Variants in DPYD observed in about 807,000 individuals in gnomAD.
DPYD encodes the protein dihydropyrimidine dehydrogenase, also known as dihydropyrimidine dehydrogenase [NADP(+)].
DPYD carries 109 observed loss-of-function variants against 116.2 expected under a neutral mutation model. The observed-to-expected ratio is 0.94, with a 90% confidence interval of 0.80 to 1.10. The LOEUF (loss-of-function observed/expected upper bound fraction) is 1.10, where lower values mean the gene tolerates loss of function less well. Ranked by LOEUF, DPYD falls within the 50% of genes least tolerant of loss-of-function variation. The probability of loss-of-function intolerance (pLI) is 0.00; values close to 1 mark genes in which losing one functional copy is unlikely to be tolerated. For missense variants in DPYD, 1,302 were observed against 1,254.5 expected (o/e 1.04, Z -0.57); for synonymous variants, 440 against 432.0 (o/e 1.02, Z -0.23).
At chr1:97,351,713 T>C (rs933910168) in intron 16 of DPYD, among the ~76,000 whole-genome samples, 1 of 151,954 alleles carries the variant, frequency 6.6e-6, no homozygotes, top group Non-Finnish European at 1.5e-5. Flanking sequence ...AATGGAGAAT[T>C]AGCAAACACG....
At chr1:97,228,140 T>G (rs555768932) in intron 19 of DPYD, among the ~76,000 whole-genome samples, 1 of 150,126 alleles carries the variant, frequency 6.7e-6, no homozygotes, top group African/African-American at 2.5e-5. Flanking sequence ...TAACAGACTT[T>G]AGTTGTTTTT....
At chr1:97,465,876 T>C (rs1677294574) in intron 13 of DPYD, among the ~76,000 whole-genome samples, 1 of 152,138 alleles carries the variant, frequency 6.6e-6, no homozygotes, top group South Asian at 2.1e-4. Flanking sequence ...CTCACCAAAA[T>C]AAACTTCTAA....
At chr1:97,260,569 T>A (rs945838883) in intron 18 of DPYD, among the ~76,000 whole-genome samples, 2 of 152,094 alleles carry the variant, frequency 1.3e-5, no homozygotes, top group African/African-American at 4.8e-5. Context: ...TTTGTGTAAG[T>A]CTTAAAATTA....
At chr1:97,729,826 TATTCA>T (rs1471895710) in intron 4 of DPYD, among the ~76,000 whole-genome samples, 5 of 152,216 alleles carry the variant, frequency 3.3e-5, no homozygotes, top group Non-Finnish European at 7.3e-5. Context: ...TGTGCACATG[TATTCA>T]ATTCATTATT....
At chr1:97,378,244 T>A (rs1156640034) in intron 15 of DPYD, among the ~76,000 whole-genome samples, 1 of 152,186 alleles carries the variant, frequency 6.6e-6, no homozygotes, top group East Asian at 1.9e-4. Flanking sequence ...TTCCATTCTG[T>A]CCTGTTACTG....
chr1:97,618,367 G>C (rs929278128), intron 8 of DPYD, among the ~76,000 whole-genome samples: 1 of 145,428 alleles, frequency 6.9e-6, no homozygotes, highest in Non-Finnish European at 1.5e-5. Flanking sequence ...TTCTGTCAAG[G>C]ATTTTTTTTC....
intron 8 of DPYD, among the ~76,000 whole-genome samples, chr1:97,622,996 C>G (rs995416450): frequency 6.6e-6 from 1 of 152,000 alleles, no homozygotes; most frequent in Non-Finnish European, 1.5e-5. Flanking sequence ...AAGGGCAAAA[C>G]AGATGCAAAG....
intron 19 of DPYD, among the ~76,000 whole-genome samples, chr1:97,210,104 T>C (rs1420105519): frequency 2.0e-5 from 3 of 152,206 alleles, no homozygotes; most frequent in African/African-American, 7.2e-5. Context: ...TTCAAAAGAC[T>C]GATGAGCCAC....
intron 2 of DPYD, chr1:97,856,658 G>C (rs1300108977): frequency 6.6e-6 from 1 of 152,358 alleles, no homozygotes; most frequent in East Asian, 1.9e-4. Flanking sequence ...TGGCTAACCA[G>C]ATCTCTGATG....
intron 11 of DPYD, among the ~76,000 whole-genome samples, chr1:97,557,270 G>A (rs1264342057): frequency 6.7e-6 from 1 of 150,228 alleles, no homozygotes; most frequent in Non-Finnish European, 1.5e-5. Flanking sequence ...TTTGTCAGAT[G>A]AGTAGGTTGC....
At chr1:97,344,610 C>T (rs887743411) in intron 16 of DPYD, among the ~76,000 whole-genome samples, 1 of 151,704 alleles carries the variant, frequency 6.6e-6, no homozygotes, top group African/African-American at 2.4e-5. Flanking sequence ...CACACACACA[C>T]ACACTACATT....
At position 97,275,339 on chromosome 1, in the gene DPYD, A is replaced by C. The variant is rs1346514823; in HGVS notation, c.2299+29920T>G. On this transcript the variant is annotated intron_variant, in intron 18 of 22. Transcript: ENST00000370192. ...GATCACTCCCCCATGGAGCTCCTAC[A>C]GATCTTTGTTTGAATTGCTCCTTTG... Among the ~76,000 whole-genome samples the C allele has an allele frequency of 2.0e-5, 3 of 152,286 alleles. No homozygotes were observed. In the South Asian group the frequency reaches 6.2e-4, roughly 32 times the overall value.
rs1271153222 is a variant in DPYD, at chr1:97,077,831, C to T, written c.*1145G>A. On this transcript the variant is annotated 3_prime_UTR_variant, in exon 23 of 23. Transcript: ENST00000370192. Reference sequence around the variant, plus strand: ...GCATTTCTAAAAGTGCATAATGAAACATTTTATTTTTCTAGCTCTTGAATT... The same window carrying T: ...GCATTTCTAAAAGTGCATAATGAAATATTTTATTTTTCTAGCTCTTGAATT... 2 of 151,930 alleles carry T rather than the reference C, an allele frequency of 1.3e-5. No homozygotes were observed. 9.4% of individuals were successfully genotyped at this position (151,930 alleles called of 1,614,324 possible). A position where few individuals can be genotyped will look rare whatever the true frequency, so the allele number is the denominator to read the frequency against.
At chr1:97,839,756 T>C (rs566240029) in intron 2 of DPYD, among the ~76,000 whole-genome samples, 1 of 152,330 alleles carries the variant, frequency 6.6e-6, no homozygotes, top group East Asian at 1.9e-4. Flanking sequence ...TTAACCATTT[T>C]GATATACATT....
chr1:97,325,092 A>G (rs1234755184), intron 16 of DPYD, among the ~76,000 whole-genome samples: 1 of 152,104 alleles, frequency 6.6e-6, no homozygotes, highest in South Asian at 2.1e-4. Context: ...ATACAAAATC[A>G]TATTAGTACT....
rs1337794986 is a variant in DPYD at position 97,529,709 on chromosome 1, TTTC to T, written c.1525-13771_1525-13769del. 2.6e-5 allele frequency among the ~76,000 whole-genome samples: 4 copies of T among 151,818 alleles called. No individual in the cohort carries two copies. The East Asian group carries it at 5.8e-4, about 22-fold the overall frequency. On this transcript the variant is annotated intron_variant, in intron 12 of 22. Coordinates refer to ENST00000370192, the MANE Select transcript of DPYD (RefSeq NM_000110.4). Reference sequence around the variant, plus strand: ...TTTTCTTTCTTTCCTTTCTTTTTTCTTTCTTCCTTTCTTTTCTTTCCTTTCTTT... The same window carrying T: ...TTTTCTTTCTTTCCTTTCTTTTTTCTTTCCTTTCTTTTCTTTCCTTTCTTT...
chr1:97,501,133 G>T (rs1345204414), intron 13 of DPYD, among the ~76,000 whole-genome samples: 1 of 151,882 alleles, frequency 6.6e-6, no homozygotes, highest in African/African-American at 2.4e-5. Context: ...GGAGAAGTGG[G>T]TAATATTATA....
intron 8 of DPYD, among the ~76,000 whole-genome samples, chr1:97,623,133 C>T (rs1656723684): frequency 6.6e-6 from 1 of 152,056 alleles, no homozygotes; most frequent in Non-Finnish European, 1.5e-5. Context: ...AGGATATTGG[C>T]AATGACCAGT....
intron 13 of DPYD, among the ~76,000 whole-genome samples, chr1:97,462,472 G>A (rs1440011448): frequency 1.3e-5 from 2 of 152,002 alleles, no homozygotes; most frequent in Non-Finnish European, 2.9e-5. Flanking sequence ...CTCAGTCAAG[G>A]GCATTGCAAA....
Sources: allele counts gnomAD v4.1 joint callset (sites outside exome capture counted in the v4.1 genomes callset), GRCh38; gene constraint gnomAD v4.1.1; transcripts MANE v1.5; gene names NCBI Gene and HGNC (gene_info 2026-07-23, HGNC 2026-07-21).